The following PLPPR3 variants were observed in gnomAD, a reference collection of about 807,000 sequenced individuals.
The protein encoded by PLPPR3 is phospholipid phosphatase related 3.
In PLPPR3, 14 loss-of-function variants were observed where a neutral mutation model predicts 27.3. The ratio of observed to expected loss-of-function variants is 0.51; its 90% CI spans 0.34 to 0.80. PLPPR3 has a LOEUF of 0.80. PLPPR3 is among the 30% of genes least tolerant of loss of function. PLPPR3 has a pLI of 0.01. For missense variants in PLPPR3, 1,287 were observed against 1,056.9 expected (o/e 1.22, Z -3.02); for synonymous variants, 671 against 508.0 (o/e 1.32, Z -4.32).
At position 814,844 on chromosome 19, in the gene PLPPR3, GGAA is replaced by G. The variant is rs778001442; in HGVS notation, c.599+39_599+41del. 4 of 1,592,084 alleles carry G rather than the reference GGAA, an allele frequency of 2.5e-6. No homozygotes were observed. The Admixed American group carries it at 6.7e-5, about 27-fold the overall frequency. ...TGTTTCCCCGCATGTTCACCGGGGC[GGAA>G]GAAGGCTCCCAGTCAGGGGAGTTGG... On this transcript the variant is annotated intron_variant, in intron 5 of 7. Coordinates refer to ENST00000520876, the MANE Select transcript of PLPPR3 (RefSeq NM_001270366.2).
chr19:813,869 C>A lies in PLPPR3; in HGVS notation c.858G>T (p.Gln286His). ...YLACHAVGNF[Q>H]APPAEKPAAP... ...CCGCGGGCTTCTCTGCAGGTGGGGC[C>A]TGGAAGTTGCCCACCGCGTGGCAGG... Residue 286 changes from glutamine to histidine, a missense_variant, in exon 8 of 8, where the codon CAG (glutamine) becomes CAT (histidine). By Grantham distance (24) the Gln-to-His change is conservative. Transcript: ENST00000520876. This position sits in a 1 kb window ranked among gnomAD's most constrained non-coding sequence, Gnocchi z 4.1. The A allele has an allele frequency of 6.9e-7, 1 of 1,444,256 alleles. No homozygotes were observed. The highest frequency in any genetic ancestry group is 9.0e-7 in the Non-Finnish European group (1 of 1,105,850). 89.5% of individuals were successfully genotyped at this position (1,444,256 alleles called of 1,614,324 possible).
upstream of PLPPR3, among the ~76,000 whole-genome samples, chr19:823,450 A>AAAAAAACAAAC (rs1555703876): frequency 0.076 from 10,958 of 143,794 alleles, 928 homozygotes; most frequent in East Asian, 0.21. Flanking sequence ...TCAAAAAAAA[A>AAAAAAACAAAC]AAAAAAAACA....
At chr19:815,922 T>C in intron 2 of PLPPR3, 71 bp from the exon 3 acceptor site, 1 of 1,489,100 alleles carries the variant, frequency 6.7e-7, no homozygotes, top group Non-Finnish European at 9.1e-7. Context: ...CCTCCATGAA[T>C]TCAGGGCCAT....
intron 1 of PLPPR3, 26 bp from the exon 2 acceptor site, chr19:821,611 G>C: frequency 2.2e-6 from 3 of 1,384,490 alleles, no homozygotes; most frequent in Non-Finnish European, 2.9e-6. Flanking sequence ...CGGCGCTGGA[G>C]GGGGGCGCGC....
intron 1 of PLPPR3, 65 bp from the exon 2 acceptor site, chr19:821,650 C>G: frequency 2.3e-6 from 2 of 867,360 alleles, no homozygotes; most frequent in Non-Finnish European, 3.2e-6. Flanking sequence ...ACACGGTGGC[C>G]GGCGCCGGCG....
In PLPPR3 at chr19:813,228, CCCT is replaced by C; in HGVS notation, c.1496_1498del (p.Glu499del). ...GGACAGGCCGGCCCCCGTCTGCGCG[CCCT>C]CCTCCGGGATGTGCACCAGCGGCGG... On this transcript the variant is annotated inframe_deletion, in exon 8 of 8. Coordinates refer to ENST00000520876, the MANE Select transcript of PLPPR3 (RefSeq NM_001270366.2). The surrounding 1 kb of genome is among the most constrained non-coding windows in gnomAD (Gnocchi z 4.1). 6.7e-7 allele frequency: 1 copy of C among 1,486,680 alleles called. No homozygotes were observed. Among genetic ancestry groups the C allele is most frequent in the Non-Finnish European group, 8.8e-7 (1 of 1,129,950 alleles). The allele number at this position is 1,486,680 out of a possible 1,614,324, so 92.1% of individuals were successfully genotyped here. A position where few individuals can be genotyped will look rare whatever the true frequency, so the allele number is the denominator to read the frequency against.
rs912447412 is a variant in PLPPR3, at chr19:813,895, C to T, written c.832G>A (p.Ala278Thr). The T allele has an allele frequency of 7.0e-7, 1 of 1,431,550 alleles. No individual in the cohort carries two copies. The highest frequency in any genetic ancestry group is 1.5e-5 in the South Asian group (1 of 67,690). The allele number at this position is 1,431,550 out of a possible 1,614,324, so 88.7% of individuals were successfully genotyped here. Reference sequence around the variant, plus strand: ...TGGAAGTTGCCCACCGCGTGGCAGGCCTGTCGGGGAGAGGGGTCTGGGGGT... The same window carrying T: ...TGGAAGTTGCCCACCGCGTGGCAGGTCTGTCGGGGAGAGGGGTCTGGGGGT... Reference protein sequence around the residue: ...LIGAGIAAYLACHAVGNFQAP... With the variant: ...LIGAGIAAYLTCHAVGNFQAP... The change falls in exon 8 of 8, where the codon GCC becomes ACC. Residue 278 changes from alanine (A) to threonine (T), a missense_variant and splice_region_variant. Transcript: ENST00000520876. The surrounding 1 kb of genome is among the most constrained non-coding windows in gnomAD (Gnocchi z 4.1).
intron 2 of PLPPR3, among the ~76,000 whole-genome samples, chr19:819,616 G>A (rs560456340): frequency 1.3e-5 from 2 of 152,034 alleles, no homozygotes; most frequent in African/African-American, 2.4e-5. Flanking sequence ...GTGCAATTTC[G>A]AAAAATAAAC....
intron 2 of PLPPR3, 50 bp downstream of exon 2, chr19:821,435 C>A: frequency 6.8e-7 from 1 of 1,475,828 alleles, no homozygotes; most frequent in Non-Finnish European, 9.1e-7. Flanking sequence ...TCTCTGCGGG[C>A]GGGCGGAACC....
Position 812,978 on chromosome 19 carries a change from G to T in PLPPR3, c.1749C>A (p.Ile583=). 1.3e-6 allele frequency: 2 copies of T among 1,497,570 alleles called. No individual in the cohort carries two copies. The highest frequency in any genetic ancestry group is 1.5e-5 in the African/African-American group (1 of 68,444). The allele number at this position is 1,497,570 out of a possible 1,614,324, so 92.8% of individuals were successfully genotyped here. The change falls in exon 8 of 8, where the codon ATC becomes ATA. Residue 583 remains isoleucine (I), a synonymous_variant. Transcript: ENST00000520876. The part of the protein sequence containing the change: ...SDRDSASIVT[I]DAHAPHHPVV... Reference sequence around the variant, plus strand: ...CGGGGTGGTGCGGCGCGTGCGCGTCGATGGTCACGATGCTGGCGGAGTCGC... The same window carrying T: ...CGGGGTGGTGCGGCGCGTGCGCGTCTATGGTCACGATGCTGGCGGAGTCGC...
chr19:816,660 A>G (rs1281825641), intron 2 of PLPPR3, among the ~76,000 whole-genome samples: 1 of 141,870 alleles, frequency 7.0e-6, no homozygotes, highest in Non-Finnish European at 1.5e-5. Context: ...TCCATCATCC[A>G]CTCATGCACC....
chr19:813,290 C>A lies in PLPPR3; in HGVS notation c.1437G>T (p.Gly479=), dbSNP rs771800085. 8.2e-6 allele frequency: 12 copies of A among 1,468,536 alleles called. No individual in the cohort carries two copies. In the South Asian group the frequency reaches 1.6e-4, roughly 20 times the overall value. The allele number at this position is 1,468,536 out of a possible 1,614,324, so 91.0% of individuals were successfully genotyped here. ...CGCGCGGTGGGAGGATGACCCGAGG[C>A]CCCAGCCCCGGCCGCGCCTGCACGG... ...YPTVQARPGL[G]PRVILPPRAG... The change falls in exon 8 of 8, where the codon GGG becomes GGT. Residue 479 remains glycine, a synonymous_variant. Transcript: ENST00000520876. The surrounding 1 kb of genome is among the most constrained non-coding windows in gnomAD (Gnocchi z 4.1).
chr19:821,614 G>A (rs904388834), intron 1 of PLPPR3, 29 bp from the exon 2 acceptor site: 1 of 1,371,828 alleles, frequency 7.3e-7, no homozygotes, highest in Non-Finnish European at 9.7e-7. Flanking sequence ...CGCTGGAGGG[G>A]GGCGCGCAGG....
In PLPPR3 at chr19:813,927, T is replaced by A; in HGVS notation, c.832-32A>T. Reference sequence around the variant, plus strand: ...GGGAGAGGGGTCTGGGGGTGAGGCCTGGGGCTCAGAGGGCTCCTCCCCTGT... The same window carrying A: ...GGGAGAGGGGTCTGGGGGTGAGGCCAGGGGCTCAGAGGGCTCCTCCCCTGT... On this transcript the variant is annotated intron_variant, in intron 7 of 7. Transcript: ENST00000520876. This position sits in a 1 kb window ranked among gnomAD's most constrained non-coding sequence, Gnocchi z 4.1. The A allele has an allele frequency of 7.1e-7, 1 of 1,414,030 alleles. No homozygotes were observed. Among genetic ancestry groups the A allele is most frequent in the Non-Finnish European group, 9.2e-7 (1 of 1,091,548 alleles). 87.6% of individuals were successfully genotyped at this position (1,414,030 alleles called of 1,614,324 possible). A position where few individuals can be genotyped will look rare whatever the true frequency, so the allele number is the denominator to read the frequency against.
In PLPPR3 at chr19:812,541, G is replaced by GCCCCCC; in HGVS notation, c.*23_*28dup. ...GCGCGGCCGCCCGCGCCCTCGGCCCGCCCCCCGCCCGCCCCCGGCCCCGCC... is the reference window on the plus strand; with the variant it reads ...GCGCGGCCGCCCGCGCCCTCGGCCCGCCCCCCCCCCCCGCCCGCCCCCGGCCCCGCC... On this transcript the variant is annotated 3_prime_UTR_variant, in exon 8 of 8. Coordinates refer to ENST00000520876, the MANE Select transcript of PLPPR3 (RefSeq NM_001270366.2). 1.6e-6 allele frequency: 1 copy of GCCCCCC among 617,396 alleles called. No individual in the cohort carries two copies. The highest frequency in any genetic ancestry group is 2.0e-6 in the Non-Finnish European group (1 of 496,530). The allele number at this position is 617,396 out of a possible 1,614,324, so 38.2% of individuals were successfully genotyped here. A position where few individuals can be genotyped will look rare whatever the true frequency, so the allele number is the denominator to read the frequency against.
At chr19:817,242 T>C (rs954376058) in intron 2 of PLPPR3, among the ~76,000 whole-genome samples, 3 of 152,070 alleles carry the variant, frequency 2.0e-5, no homozygotes, top group African/African-American at 7.2e-5. Context: ...CCTCCCAAAG[T>C]GCTGGGATTA....
Position 812,663 on chromosome 19 carries a change from G to T in PLPPR3, c.2064C>A (p.Arg688=). The T allele has an allele frequency of 9.4e-7, 1 of 1,060,758 alleles. No homozygotes were observed. Among genetic ancestry groups the T allele is most frequent in the African/African-American group, 1.7e-5 (1 of 57,638 alleles). 65.7% of individuals were successfully genotyped at this position (1,060,758 alleles called of 1,614,324 possible). The change falls in exon 8 of 8, where the codon CGC becomes CGA. Residue 688 remains arginine, a synonymous_variant. Coordinates refer to ENST00000520876, the MANE Select transcript of PLPPR3 (RefSeq NM_001270366.2). The part of the protein sequence containing the change: ...GPGSRESTLR[R]HAGGLGLAER... Reference sequence around the variant, plus strand: ...CCGCCAGCCCCAGGCCGCCCGCGTGGCGCCGCAGCGTGGACTCCCGGCTGC... The same window carrying T: ...CCGCCAGCCCCAGGCCGCCCGCGTGTCGCCGCAGCGTGGACTCCCGGCTGC...
chr19:815,890 C>T (rs774534212), intron 2 of PLPPR3, 39 bp from the exon 3 acceptor site: 3 of 1,594,682 alleles, frequency 1.9e-6, no homozygotes, highest in Non-Finnish European at 2.6e-6. Context: ...CCTGCTCTCC[C>T]TCGCGGAGGC....
chr19:815,822 G>C lies in PLPPR3; in HGVS notation c.105C>G (p.Ser35=), dbSNP rs1362657011. 1.2e-6 allele frequency: 2 copies of C among 1,612,596 alleles called. No homozygotes were observed. Among genetic ancestry groups the C allele is most frequent in the African/African-American group, 2.7e-5 (2 of 74,912 alleles). Residue 35 remains serine (S), a synonymous_variant, in exon 3 of 8, where the codon TCC becomes TCG. Coordinates refer to ENST00000520876, the MANE Select transcript of PLPPR3 (RefSeq NM_001270366.2). ...GGTCGGTCAGCTCCAGGAAGTACAA[G>C]GATACGATGGAAGAAGCCACTATGG... ...ELPIVASSIV[S]LYFLELTDLF... is the part of the protein sequence containing the mutation.
Sources: allele counts gnomAD v4.1 joint callset (sites outside exome capture counted in the v4.1 genomes callset), GRCh38; gene constraint gnomAD v4.1.1; non-coding constraint Gnocchi (gnomAD v3.1); transcripts MANE v1.5; gene names NCBI Gene and HGNC (gene_info 2026-07-23, HGNC 2026-07-21).